The following OXR1 variants were observed in gnomAD, a reference collection of about 807,000 sequenced individuals.
OXR1 encodes the protein oxidation resistance protein 1.
A neutral mutation model predicts 104.6 loss-of-function variants in OXR1; 41 were observed. That is an observed-to-expected ratio of 0.39 (90% confidence interval 0.31 to 0.51). The LOEUF (loss-of-function observed/expected upper bound fraction) is 0.51. OXR1 is among the 20% of genes least tolerant of loss of function. The pLI, the probability that OXR1 is intolerant of heterozygous loss-of-function variation, is 0.77. For synonymous variants in OXR1, 348 were observed against 348.4 expected (o/e 1.00, Z 0.01); for missense variants, 955 against 1,031.9 (o/e 0.93, Z 1.02).
At chr8:106,324,575 G>A (rs1247170227) in intron 1 of OXR1, among the ~76,000 whole-genome samples, 1 of 151,432 alleles carries the variant, frequency 6.6e-6, no homozygotes, top group East Asian at 1.9e-4. Flanking sequence ...GAACTCTCTG[G>A]CAATACATGT....
At chr8:106,576,902 C>A (rs193273247) in intron 3 of OXR1, among the ~76,000 whole-genome samples, 1 of 152,266 alleles carries the variant, frequency 6.6e-6, no homozygotes, top group East Asian at 1.9e-4. Context: ...TATATACACT[C>A]ATCTTGCATA....
chr8:106,536,238 GA>G (rs1814530984), intron 3 of OXR1, among the ~76,000 whole-genome samples: 3 of 151,038 alleles, frequency 2.0e-5, no homozygotes, highest in African/African-American at 7.3e-5. Flanking sequence ...AAGAAAGAAA[GA>G]AAGAAAGAAA....
chr8:106,366,599 C>T (rs1157321723), intron 2 of OXR1, among the ~76,000 whole-genome samples: 1 of 152,010 alleles, frequency 6.6e-6, no homozygotes, highest in African/African-American at 2.4e-5. Flanking sequence ...AAAGGTTAGA[C>T]ATGAATATAA....
rs1053619241 is a variant in OXR1 at position 106,656,327 on chromosome 8, C to G, written c.221-22883C>G. On this transcript the variant is annotated intron_variant, in intron 3 of 16. Coordinates refer to ENST00000517566, the MANE Select transcript of OXR1 (RefSeq NM_001198533.2). ...AGCATAGTTGGTTTCTGGTGAGGAC[C>G]TTCTTCTGGTTTGCAAACTGATGTA... 4 of 152,260 alleles carry G rather than the reference C, an allele frequency of 2.6e-5. No homozygotes were observed. The East Asian group carries it at 7.7e-4, about 29-fold the overall frequency. 9.4% of individuals were successfully genotyped at this position (152,260 alleles called of 1,614,324 possible).
chr8:106,292,628 C>A (rs533854705), intron 1 of OXR1, among the ~76,000 whole-genome samples: 1 of 152,132 alleles, frequency 6.6e-6, no homozygotes, highest in Admixed American at 6.5e-5. Flanking sequence ...ATAATAAAAG[C>A]TTTGAAGAAA....
chr8:106,730,545 T>G (rs938470270), intron 11 of OXR1, among the ~76,000 whole-genome samples: 1 of 152,212 alleles, frequency 6.6e-6, no homozygotes, highest in African/African-American at 2.4e-5. Context: ...CCTTCATGTC[T>G]TTTTGGCTTG....
rs138268003 is a variant in OXR1 at position 106,708,834 on chromosome 8, T to C, written c.1624+1689T>C. Among the ~76,000 whole-genome samples the C allele has an allele frequency of 1.6e-3, 242 of 152,248 alleles. 2 individuals are homozygous for C. Among genetic ancestry groups the C allele is most frequent in the African/African-American group, 5.6e-3 (233 of 41,542 alleles). On this transcript the variant is annotated intron_variant, in intron 9 of 16. Transcript: ENST00000517566. ...TGTGGTAACTCTATGTTTAATTTCT[T>C]GAGGAACCTCCGTACTGTTTTCCAT... is the stretch of plus-strand genomic sequence containing the variant.
chr8:106,704,833 C>A (rs1460768184), intron 8 of OXR1, among the ~76,000 whole-genome samples: 1 of 152,022 alleles, frequency 6.6e-6, no homozygotes, highest in African/African-American at 2.4e-5. Flanking sequence ...TGGAAAGTGT[C>A]ACCTGGATTT....
At chr8:106,515,774 A>T (rs1001845990) in intron 2 of OXR1, among the ~76,000 whole-genome samples, 1 of 152,138 alleles carries the variant, frequency 6.6e-6, no homozygotes, top group Non-Finnish European at 1.5e-5. Flanking sequence ...TATTGGGAGG[A>T]ACAAGGCATT....
intron 2 of OXR1, among the ~76,000 whole-genome samples, chr8:106,469,030 G>C (rs1821342854): frequency 7.0e-6 from 1 of 143,344 alleles, no homozygotes; most frequent in Non-Finnish European, 1.5e-5. Context: ...TGTTGTTGTT[G>C]TTGTTGTGTG....
chr8:106,349,343 T>G (rs1242409183), intron 1 of OXR1, among the ~76,000 whole-genome samples: 1 of 152,110 alleles, frequency 6.6e-6, no homozygotes, highest in Non-Finnish European at 1.5e-5. Context: ...GTTTGTCCAT[T>G]TTTAAGATTT....
intron 6 of OXR1, 112 bp from the exon 7 acceptor site, chr8:106,692,616 G>A (rs563220921): frequency 1.2e-5 from 7 of 566,096 alleles, no homozygotes; most frequent in Non-Finnish European, 2.0e-5. Flanking sequence ...AGAATGCGGT[G>A]AAATGAAACA....
rs1013746151 is a variant in OXR1, at chr8:106,561,703, G to A, written c.220+42564G>A. ...TGGGAGACACCTCCCAGCAATGGTCGACAGACACCTCATCCAGGAGAGCTC... is the reference window on the plus strand; with the variant it reads ...TGGGAGACACCTCCCAGCAATGGTCAACAGACACCTCATCCAGGAGAGCTC... On this transcript the variant is annotated intron_variant, in intron 3 of 16. Transcript: ENST00000517566. Among the ~76,000 whole-genome samples, 9 of 152,162 alleles carry A rather than the reference G, an allele frequency of 5.9e-5. No individual in the cohort carries two copies. In the South Asian group the frequency reaches 6.2e-4, roughly 11 times the overall value.
intron 2 of OXR1, among the ~76,000 whole-genome samples, chr8:106,426,275 T>A (rs2130549674): frequency 6.6e-6 from 1 of 152,306 alleles, no homozygotes; most frequent in Non-Finnish European, 1.5e-5. Context: ...TTTTAAAAAT[T>A]GATACCTGCC....
At chr8:106,546,978 G>A (rs774389064) in intron 3 of OXR1, among the ~76,000 whole-genome samples, 5 of 152,074 alleles carry the variant, frequency 3.3e-5, no homozygotes, top group Non-Finnish European at 2.9e-5. Context: ...TGCAACCTCC[G>A]CCTTTGGTTT....
chr8:106,517,845 T>G (rs1239926640), intron 2 of OXR1, among the ~76,000 whole-genome samples: 1 of 152,234 alleles, frequency 6.6e-6, no homozygotes, highest in Non-Finnish European at 1.5e-5. Flanking sequence ...TAGTAGACAT[T>G]GCTTTCATTA....
chr8:106,291,688 G>A (rs1456432598), intron 1 of OXR1, among the ~76,000 whole-genome samples: 1 of 152,140 alleles, frequency 6.6e-6, no homozygotes, highest in Non-Finnish European at 1.5e-5. Context: ...TCACACTGCT[G>A]TGAAGAAATA....
chr8:106,316,724 CTATCTATCTATCT>C (rs1563713965), intron 1 of OXR1, among the ~76,000 whole-genome samples: 4 of 42,472 alleles, frequency 9.4e-5, no homozygotes, highest in Non-Finnish European at 4.9e-5. Flanking sequence ...TATCATCTAT[CTATCTATCTATCT>C]ATCTATCTAT....
chr8:106,356,139 A>T (rs1815958191), intron 1 of OXR1, among the ~76,000 whole-genome samples: 1 of 152,192 alleles, frequency 6.6e-6, no homozygotes, highest in Non-Finnish European at 1.5e-5. Context: ...TATTTAAATT[A>T]GACTTCTACC....
Sources: gnomAD v4.1 joint callset for allele counts (sites outside exome capture counted in the v4.1 genomes callset) on GRCh38, gnomAD v4.1.1 for gene constraint, MANE v1.5 for transcripts, NCBI Gene and HGNC (gene_info 2026-07-23, HGNC 2026-07-21) for gene names.